Variants in CSMD3 observed in about 807,000 individuals in gnomAD.
CSMD3 encodes CUB and Sushi multiple domains 3.
Under a neutral mutation model 435.2 loss-of-function variants are expected in CSMD3, and 177 were observed. The ratio of observed to expected loss-of-function variants is 0.41; its 90% CI spans 0.36 to 0.46. The LOEUF (loss-of-function observed/expected upper bound fraction) is 0.46. Among genes scored for constraint, CSMD3 ranks in the 20% least tolerant of loss-of-function variants. The pLI, the probability that CSMD3 is intolerant of heterozygous loss-of-function variation, is 0.34. For missense variants in CSMD3, 4,265 were observed against 4,504.6 expected, an observed-to-expected ratio of 0.95 and a Z score of 1.52; for synonymous variants, 1,656 against 1,520.5, an observed-to-expected ratio of 1.09 and a Z score of -2.07.
chr8:112,468,670 T>A (rs1044479850), intron 32 of CSMD3, among the ~76,000 whole-genome samples: 2 of 152,058 alleles, frequency 1.3e-5, no homozygotes, highest in South Asian at 4.1e-4. Flanking sequence ...ATTCATAAAG[T>A]CTTAGGCAAC....
At chr8:112,793,485 C>T (rs1380498361) in intron 13 of CSMD3, among the ~76,000 whole-genome samples, 2 of 151,852 alleles carry the variant, frequency 1.3e-5, no homozygotes, top group Non-Finnish European at 1.5e-5. Context: ...ATAGTATAGA[C>T]TATTTCTTCT....
chr8:112,851,525 G>T (rs1470308863), intron 11 of CSMD3, among the ~76,000 whole-genome samples: 6 of 152,140 alleles, frequency 3.9e-5, no homozygotes, highest in Non-Finnish European at 7.4e-5. Context: ...CCAGCACTTA[G>T]GAGGCCGAGG....
In CSMD3 at chr8:112,247,083, C is replaced by T; in HGVS notation, c.10159G>A (p.Gly3387Arg). ...GGGAGGCAGGTGCGTGTTGTAGACC[C>T]TTGGAGAAGGTGTCCTTTTTTGCAA... ...FHCKKGHLLQ[G>R]STTRTCLPDL... The change falls in exon 64 of 71, where the codon GGG becomes AGG. Residue 3387 changes from glycine (G) to arginine (R), a missense_variant. Physicochemically the swap from Gly to Arg is moderately radical, Grantham distance 125. This residue lies in a region of CSMD3 where 3,255 missense variants were observed against 3,380.2 expected (regional missense o/e 0.96). Coordinates refer to ENST00000297405, the MANE Select transcript of CSMD3 (RefSeq NM_198123.2). 6.2e-7 allele frequency: 1 copy of T among 1,613,848 alleles called. No homozygotes were observed. Among genetic ancestry groups the T allele is most frequent in the Non-Finnish European group, 8.5e-7 (1 of 1,179,878 alleles).
At chr8:112,352,609 A>G (rs1046685862) in intron 38 of CSMD3, 75 bp from the exon 39 acceptor site, 12 of 1,273,318 alleles carry the variant, frequency 9.4e-6, no homozygotes, top group Non-Finnish European at 1.4e-5. Context: ...TTAAGTTGCT[A>G]AAATTGAATA....
At chr8:112,691,193 G>A (rs2076129491) in intron 13 of CSMD3, among the ~76,000 whole-genome samples, 1 of 151,892 alleles carries the variant, frequency 6.6e-6, no homozygotes, top group Admixed American at 6.6e-5. Context: ...AGATACTATT[G>A]AACATCCTTG....
rs533958425 is a variant in CSMD3, at chr8:113,045,780, C to G, written c.918-26601G>C. ...ACACTTGTGCCTCACCAGCACGAAACTCGGCACATCATTTTACTTTCAGTT... is the reference window on the plus strand; with the variant it reads ...ACACTTGTGCCTCACCAGCACGAAAGTCGGCACATCATTTTACTTTCAGTT... On this transcript the variant is annotated intron_variant, in intron 5 of 70. Coordinates refer to ENST00000297405, the MANE Select transcript of CSMD3 (RefSeq NM_198123.2). Among the ~76,000 whole-genome samples the G allele has an allele frequency of 2.0e-5, 3 of 149,486 alleles. No individual in the cohort carries two copies. The East Asian group carries it at 5.8e-4, about 29-fold the overall frequency.
chr8:113,433,100 G>A (rs551403826), intron 1 of CSMD3, among the ~76,000 whole-genome samples: 1 of 152,170 alleles, frequency 6.6e-6, no homozygotes, highest in Admixed American at 6.5e-5. Context: ...GCAGGAGGGG[G>A]CCCTGACTCA....
At chr8:112,509,249 G>T (rs1194531529) in intron 28 of CSMD3, among the ~76,000 whole-genome samples, 1 of 152,028 alleles carries the variant, frequency 6.6e-6, no homozygotes, top group Non-Finnish European at 1.5e-5. Flanking sequence ...GCTGCCACAT[G>T]CAGCTAATCT....
intron 7 of CSMD3, among the ~76,000 whole-genome samples, chr8:112,957,125 A>T (rs1325138364): frequency 6.6e-6 from 1 of 152,104 alleles, no homozygotes; most frequent in African/African-American, 2.4e-5. Context: ...ATTCTAAATC[A>T]TGTATCAGGT....
intron 11 of CSMD3, among the ~76,000 whole-genome samples, chr8:112,834,968 T>A (rs1356708254): frequency 6.6e-6 from 1 of 151,884 alleles, no homozygotes; most frequent in Non-Finnish European, 1.5e-5. Flanking sequence ...AAATAATGTA[T>A]AATTGTCTTG....
chr8:112,890,976 C>T (rs2081769363), intron 10 of CSMD3, among the ~76,000 whole-genome samples: 1 of 151,600 alleles, frequency 6.6e-6, no homozygotes, highest in Non-Finnish European at 1.5e-5. Context: ...GCAGTTAGCT[C>T]TCAGATCTCT....
intron 5 of CSMD3, among the ~76,000 whole-genome samples, chr8:113,069,824 T>TG (rs2089026558): frequency 6.6e-6 from 1 of 152,132 alleles, no homozygotes; most frequent in African/African-American, 2.4e-5. Context: ...CCTTTATGAC[T>TG]GTCTTGCTGT....
In CSMD3 at chr8:113,360,645, C is replaced by T. The variant is rs904805809; in HGVS notation, c.179-45852G>A. Among the ~76,000 whole-genome samples, 67 of 146,576 alleles carry T rather than the reference C, an allele frequency of 4.6e-4. 1 individual carries two copies. The East Asian group carries it at 0.013, about 28-fold the overall frequency. ...CTGGAGTGCAGTGGCGAGATCTCGG[C>T]TCACTGCAAGCTCCGCCTCCCGGGT... On this transcript the variant is annotated intron_variant, in intron 1 of 70. Transcript: ENST00000297405.
intron 49 of CSMD3, 139 bp from the exon 50 acceptor site, chr8:112,311,305 A>G: frequency 1.4e-6 from 1 of 706,730 alleles, no homozygotes; most frequent in Non-Finnish European, 2.5e-6. Flanking sequence ...TATGAACAAC[A>G]TATTGTGCTC....
At chr8:112,553,997 A>AC (rs1394853465) in intron 25 of CSMD3, among the ~76,000 whole-genome samples, 1 of 151,974 alleles carries the variant, frequency 6.6e-6, no homozygotes, top group Non-Finnish European at 1.5e-5. Context: ...AAATTTGAAG[A>AC]CCTTAAGAGC....
At position 112,333,855 on chromosome 8, in the gene CSMD3, T is replaced by C. The variant is rs1246215781; in HGVS notation, c.7165+1474A>G. Among the ~76,000 whole-genome samples the C allele has an allele frequency of 2.6e-5, 4 of 152,256 alleles. No individual in the cohort carries two copies. The East Asian group carries it at 7.7e-4, about 29-fold the overall frequency. Reference sequence around the variant, plus strand: ...AAGCAGTACATAAAATGATAAAAAATATTGAGGCAGAAATCCATGTGGAGA... The same window carrying C: ...AAGCAGTACATAAAATGATAAAAAACATTGAGGCAGAAATCCATGTGGAGA... On this transcript the variant is annotated intron_variant, in intron 45 of 70. Coordinates refer to ENST00000297405, the MANE Select transcript of CSMD3 (RefSeq NM_198123.2).
intron 30 of CSMD3, among the ~76,000 whole-genome samples, chr8:112,496,410 A>T (rs1265990332): frequency 6.6e-6 from 1 of 152,148 alleles, no homozygotes; most frequent in African/African-American, 2.4e-5. Flanking sequence ...GTTCCTCAAA[A>T]AACTAAATAT....
chr8:112,756,482 G>A (rs2077701704), intron 13 of CSMD3, among the ~76,000 whole-genome samples: 1 of 152,140 alleles, frequency 6.6e-6, no homozygotes, highest in African/African-American at 2.4e-5. Context: ...CAAGTTACTT[G>A]ATATATGAGC....
chr8:112,291,584 T>C lies in CSMD3; in HGVS notation c.8900A>G (p.Tyr2967Cys). 1 of 1,611,736 alleles carries C rather than the reference T, an allele frequency of 6.2e-7. No homozygotes were observed. The highest frequency in any genetic ancestry group is 8.5e-7 in the Non-Finnish European group (1 of 1,178,252). ...CAAAACTGAAGATCCAAATAAAAAATATCCAGGATTGCAGTCATAGAATAC... is the reference window on the plus strand; with the variant it reads ...CAAAACTGAAGATCCAAATAAAAAACATCCAGGATTGCAGTCATAGAATAC... The part of the protein sequence containing the change: ...TVVFYDCNPG[Y>C]FLFGSSVLIC... The change falls in exon 56 of 71, where the codon TAT becomes TGT. Residue 2967 changes from tyrosine (Y) to cysteine (C), a missense_variant. Around this residue, in one of 3 missense-constraint regions of CSMD3, gnomAD observed 3,255 missense variants for 3,380.2 expected, o/e 0.96. Coordinates refer to ENST00000297405, the MANE Select transcript of CSMD3 (RefSeq NM_198123.2).
Sources: allele counts gnomAD v4.1 joint callset (sites outside exome capture counted in the v4.1 genomes callset), GRCh38; gene constraint gnomAD v4.1.1; regional missense constraint gnomAD v4.1.1; transcripts MANE v1.5; gene names NCBI Gene and HGNC (gene_info 2026-07-23, HGNC 2026-07-21).